Variants in SLMAP observed in about 807,000 individuals in gnomAD.
SLMAP encodes the protein sarcolemma associated protein.
SLMAP carries 44 observed loss-of-function variants against 128.8 expected under a neutral mutation model. The ratio of observed to expected loss-of-function variants is 0.34; its 90% CI spans 0.27 to 0.44. SLMAP has a LOEUF of 0.44. Among genes scored for constraint, SLMAP ranks in the 20% least tolerant of loss-of-function variants. The pLI is 1.00. For synonymous variants in SLMAP, 327 were observed against 348.8 expected, an observed-to-expected ratio of 0.94 and a Z score of 0.70; for missense variants, 787 against 985.3, an observed-to-expected ratio of 0.80 and a Z score of 2.69.
intron 3 of SLMAP, among the ~76,000 whole-genome samples, chr3:57,831,974 A>T (rs1258728722): frequency 6.6e-6 from 1 of 152,238 alleles, no homozygotes; most frequent in Non-Finnish European, 1.5e-5. Context: ...TCATGGTCAT[A>T]AGATGATGGC....
intron 3 of SLMAP, among the ~76,000 whole-genome samples, chr3:57,841,061 A>G (rs2093912445): frequency 1.3e-5 from 2 of 152,220 alleles, no homozygotes. Context: ...CTATTATTAC[A>G]GAATTGGAGA....
At chr3:57,841,198 A>G (rs1239227008) in intron 3 of SLMAP, 101 bp from the exon 4 acceptor site, 1 of 626,812 alleles carries the variant, frequency 1.6e-6, no homozygotes, top group African/African-American at 1.9e-5. Context: ...TTTCTGAGAA[A>G]TTGTTACTTT....
intron 12 of SLMAP, 87 bp from the exon 13 acceptor site, chr3:57,865,155 G>T: frequency 1.4e-6 from 1 of 696,720 alleles, no homozygotes; most frequent in South Asian, 2.2e-5. Context: ...CTTAATCTTA[G>T]GAATGCAGAA....
At chr3:57,777,095 G>A (rs2082098531) in intron 2 of SLMAP, among the ~76,000 whole-genome samples, 2 of 133,520 alleles carry the variant, frequency 1.5e-5, no homozygotes, top group South Asian at 5.0e-4. Flanking sequence ...TAAGAAATTT[G>A]ACTTTTTTTG....
intron 15 of SLMAP, chr3:57,890,783 A>G (rs1166167469): frequency 6.6e-6 from 1 of 152,224 alleles, no homozygotes; most frequent in Non-Finnish European, 1.5e-5. Flanking sequence ...ATTAGACTAT[A>G]CCAGTATAAA....
chr3:57,819,090 A>G (rs2092245655), intron 2 of SLMAP, among the ~76,000 whole-genome samples: 3 of 152,096 alleles, frequency 2.0e-5, no homozygotes, highest in Admixed American at 2.0e-4. Flanking sequence ...CATAAATTGC[A>G]TTGTTATTAT....
intron 2 of SLMAP, among the ~76,000 whole-genome samples, chr3:57,804,361 A>G (rs2153501164): frequency 6.6e-6 from 1 of 152,318 alleles, no homozygotes; most frequent in East Asian, 1.9e-4. Context: ...CATAGGTGAG[A>G]AGGTAATGTG....
chr3:57,775,939 TC>T (rs2081843899), intron 2 of SLMAP, among the ~76,000 whole-genome samples: 1 of 152,148 alleles, frequency 6.6e-6, no homozygotes, highest in Admixed American at 6.5e-5. Flanking sequence ...CCTCAGGTGA[TC>T]CAGCTGCCTC....
At chr3:57,888,852 A>T (rs188628569) in intron 14 of SLMAP, among the ~76,000 whole-genome samples, 1 of 152,062 alleles carries the variant, frequency 6.6e-6, no homozygotes, top group African/African-American at 2.4e-5. Context: ...GACAGCTTAC[A>T]TTATACATCT....
At chr3:57,903,091 C>T (rs1283638057) in intron 17 of SLMAP, among the ~76,000 whole-genome samples, 2 of 152,028 alleles carry the variant, frequency 1.3e-5, no homozygotes, top group Non-Finnish European at 2.9e-5. Context: ...CAGGGGTGAA[C>T]AGTGGTAGCA....
chr3:57,801,680 T>C (rs2088439434), intron 2 of SLMAP, among the ~76,000 whole-genome samples: 1 of 151,858 alleles, frequency 6.6e-6, no homozygotes, highest in Non-Finnish European at 1.5e-5. Context: ...CATGCTTTGC[T>C]CAGTATCTTA....
chr3:57,893,258 A>C (rs1053829837), intron 15 of SLMAP, among the ~76,000 whole-genome samples: 1 of 151,718 alleles, frequency 6.6e-6, no homozygotes, highest in Non-Finnish European at 1.5e-5. Context: ...GGGAGACCCT[A>C]TCTCTTCAAA....
chr3:57,810,147 G>C (rs916710834), intron 2 of SLMAP, among the ~76,000 whole-genome samples: 15 of 152,180 alleles, frequency 9.9e-5, no homozygotes, highest in African/African-American at 3.6e-4. Flanking sequence ...CATGGAAGCT[G>C]CTTGCGGTGT....
chr3:57,921,636 CAAATA>C (rs1282770511), intron 22 of SLMAP, among the ~76,000 whole-genome samples: 2 of 152,088 alleles, frequency 1.3e-5, no homozygotes, highest in Non-Finnish European at 2.9e-5. Context: ...AAAAAATAAA[CAAATA>C]AAATAAAAAT....
rs184480271 is a variant in SLMAP at position 57,851,001 on chromosome 3, G to A, written c.519+1185G>A. On this transcript the variant is annotated intron_variant, in intron 6 of 24. Coordinates refer to ENST00000671191, the MANE Select transcript of SLMAP (RefSeq NM_001377540.1). Reference sequence around the variant, plus strand: ...GATTGCTTAATAATATTAATAGCAAGTAATTATATAGCACTTATTATATGC... The same window carrying A: ...GATTGCTTAATAATATTAATAGCAAATAATTATATAGCACTTATTATATGC... Among the ~76,000 whole-genome samples the A allele has an allele frequency of 2.2e-3, 338 of 152,312 alleles. 5 individuals carry two copies. The highest frequency in any genetic ancestry group is 0.019 in the Admixed American group (288 of 15,288).
At chr3:57,825,951 T>C (rs2092898757) in intron 2 of SLMAP, among the ~76,000 whole-genome samples, 1 of 152,174 alleles carries the variant, frequency 6.6e-6, no homozygotes, top group Non-Finnish European at 1.5e-5. Context: ...ACAAAGTTGG[T>C]TCTGATAGTT....
rs998418872 is a variant in SLMAP, at chr3:57,796,516, G to T, written c.199-34867G>T. Among the ~76,000 whole-genome samples, 8 of 152,300 alleles carry T rather than the reference G, an allele frequency of 5.3e-5. No homozygotes were observed. The South Asian group carries it at 1.7e-3, about 32-fold the overall frequency. ...TCCTCCCTCATAGGATTGTTGCAAG[G>T]ATTAGCTAGGATATAGCTATAAAGC... On this transcript the variant is annotated intron_variant, in intron 2 of 24. Transcript: ENST00000671191.
At chr3:57,906,292 A>ATTTTTTTCTT (rs1206747685) in intron 17 of SLMAP, among the ~76,000 whole-genome samples, 3 of 78,756 alleles carry the variant, frequency 3.8e-5, no homozygotes, top group Non-Finnish European at 5.1e-5. Context: ...CCAGAATCAA[A>ATTTTTTTCTT]TTTTTTTCTT....
intron 2 of SLMAP, among the ~76,000 whole-genome samples, chr3:57,829,802 C>T (rs2093208005): frequency 6.6e-6 from 1 of 152,054 alleles, no homozygotes; most frequent in African/African-American, 2.4e-5. Flanking sequence ...CTGCAGATTG[C>T]TTCTTAGTCT....
Sources: allele counts gnomAD v4.1 joint callset (sites outside exome capture counted in the v4.1 genomes callset), GRCh38; gene constraint gnomAD v4.1.1; transcripts MANE v1.5; gene names NCBI Gene and HGNC (gene_info 2026-07-23, HGNC 2026-07-21).